Variants in MS4A1 observed in about 807,000 individuals in gnomAD.
MS4A1 encodes membrane spanning 4-domains A1.
A neutral mutation model predicts 26.5 loss-of-function variants in MS4A1; 16 were observed. The ratio of observed to expected loss-of-function variants is 0.60; its 90% CI spans 0.41 to 0.92. The LOEUF is 0.92. MS4A1 is among the 40% of genes least tolerant of loss of function. The pLI is 0.00. For synonymous variants in MS4A1, 128 were observed against 117.6 expected, an observed-to-expected ratio of 1.09 and a Z score of -0.57; for missense variants, 350 against 353.0, an observed-to-expected ratio of 0.99 and a Z score of 0.07.
chr11:60,458,662 A>G (rs1416680184), intron 1 of MS4A1, among the ~76,000 whole-genome samples: 1 of 152,252 alleles, frequency 6.6e-6, no homozygotes, highest in Non-Finnish European at 1.5e-5. Flanking sequence ...AATTTATTTT[A>G]ATGATAAGGC....
At chr11:60,466,478 A>G (rs912868054) in intron 6 of MS4A1, 3 of 383,898 alleles carry the variant, frequency 7.8e-6, no homozygotes, top group African/African-American at 6.1e-5. Context: ...CATTAATGGC[A>G]TTAATATTTA....
intron 6 of MS4A1, 122 bp from the exon 7 acceptor site, chr11:60,466,837 T>A (rs2086295533): frequency 1.1e-6 from 1 of 947,892 alleles, no homozygotes; most frequent in Admixed American, 1.9e-5. Context: ...AGCTATTCAT[T>A]ACTTGTCTAA....
At chr11:60,463,617 C>A in intron 4 of MS4A1, 1 of 334,066 alleles carries the variant, frequency 3.0e-6, no homozygotes, top group Admixed American at 3.7e-5. Flanking sequence ...AAATCTGTAA[C>A]CCTGTCTGGG....
intron 7 of MS4A1, among the ~76,000 whole-genome samples, 173 bp downstream of exon 7, chr11:60,467,233 A>C (rs888497566): frequency 1.3e-5 from 2 of 151,810 alleles, no homozygotes; most frequent in Non-Finnish European, 2.9e-5. Context: ...TTGAAATTTG[A>C]AATAAGTCTG....
chr11:60,464,166 A>G, intron 4 of MS4A1, 122 bp from the exon 5 acceptor site: 2 of 719,132 alleles, frequency 2.8e-6, no homozygotes, highest in East Asian at 2.7e-5. Context: ...GTTGTGTGAA[A>G]GTTGCTGAAA....
At chr11:60,458,745 T>C (rs915658569) in intron 1 of MS4A1, among the ~76,000 whole-genome samples, 3 of 152,216 alleles carry the variant, frequency 2.0e-5, no homozygotes, top group African/African-American at 7.2e-5. Context: ...CGAAAGCTTT[T>C]CATTACAGTC....
intron 1 of MS4A1, 139 bp downstream of exon 1, chr11:60,456,084 G>A (rs1449981250): frequency 6.6e-6 from 1 of 152,164 alleles, no homozygotes. Context: ...TATGACTTAA[G>A]GAGGGGTGAC....
At chr11:60,456,791 T>G (rs909167348) in intron 1 of MS4A1, among the ~76,000 whole-genome samples, 1 of 152,068 alleles carries the variant, frequency 6.6e-6, no homozygotes, top group Non-Finnish European at 1.5e-5. Flanking sequence ...GTGTGTGTTT[T>G]GTTTGTTTGT....
chr11:60,462,137 C>T, intron 2 of MS4A1, 48 bp from the exon 3 acceptor site: 1 of 626,834 alleles, frequency 1.6e-6, no homozygotes, highest in Non-Finnish European at 3.0e-6. Flanking sequence ...GCAGGGACTC[C>T]TGGGCCCACA....
intron 7 of MS4A1, 141 bp from the exon 8 acceptor site, chr11:60,468,109 A>G: frequency 2.8e-6 from 2 of 715,702 alleles, no homozygotes; most frequent in Non-Finnish European, 4.7e-6. Flanking sequence ...ACCTGCAAAA[A>G]AATTTTGGCA....
At chr11:60,462,029 C>T (rs1042068244) in intron 2 of MS4A1, among the ~76,000 whole-genome samples, 156 bp from the exon 3 acceptor site, 1 of 152,174 alleles carries the variant, frequency 6.6e-6, no homozygotes, top group Non-Finnish European at 1.5e-5. Flanking sequence ...AAAAGAAAAG[C>T]ATCCAGGAAT....
intron 4 of MS4A1, 103 bp downstream of exon 4, chr11:60,463,224 G>A (rs2086263698): frequency 1.3e-6 from 2 of 1,495,246 alleles, no homozygotes; most frequent in Non-Finnish European, 1.9e-6. Flanking sequence ...GGAAATATAT[G>A]AGTAGGAAAT....
At chr11:60,458,831 A>G (rs183696382) in intron 1 of MS4A1, among the ~76,000 whole-genome samples, 3 of 142,542 alleles carry the variant, frequency 2.1e-5, no homozygotes, top group Non-Finnish European at 4.6e-5. Flanking sequence ...TCAGATATAT[A>G]TATGAAAGAT....
At chr11:60,463,926 C>A in intron 4 of MS4A1, 1 of 368,546 alleles carries the variant, frequency 2.7e-6, no homozygotes, top group South Asian at 2.3e-5. Context: ...CCCCAAAGGG[C>A]AGTTCCACAA....
intron 7 of MS4A1, 110 bp downstream of exon 7, chr11:60,467,170 T>A (rs911824067): frequency 2.5e-4 from 188 of 742,182 alleles, no homozygotes; most frequent in East Asian, 3.9e-4. Flanking sequence ...GAGCTTGATT[T>A]AAAAAAAAAA....
chr11:60,465,993 G>T lies in MS4A1; in HGVS notation c.409G>T (p.Asp137Tyr). 6.2e-7 allele frequency: 1 copy of T among 1,613,832 alleles called. No homozygotes were observed. The stretch of plus-strand genomic sequence containing the variant: ...TTCTGGAATGATTCTTTCAATCATG[G>T]ACATACTTAATATTAAAATTTCCCA... ...AISGMILSIMDILNIKISHFL... is the reference protein window; with the variant it reads ...AISGMILSIMYILNIKISHFL... Residue 137 changes from aspartate to tyrosine, a missense_variant, in exon 6 of 8, where the codon GAC becomes TAC. Coordinates refer to ENST00000345732, the MANE Select transcript of MS4A1 (RefSeq NM_152866.3).
At chr11:60,458,019 G>C (rs1445890666) in intron 1 of MS4A1, 1 of 152,166 alleles carries the variant, frequency 6.6e-6, no homozygotes, top group Non-Finnish European at 1.5e-5. Flanking sequence ...CTTTGAAATG[G>C]GGAAGGTAAC....
At chr11:60,460,081 A>T (rs1186552354) in intron 1 of MS4A1, among the ~76,000 whole-genome samples, 1 of 151,754 alleles carries the variant, frequency 6.6e-6, no homozygotes, top group Non-Finnish European at 1.5e-5. Flanking sequence ...CCCCATCTCT[A>T]AAAAAAATAT....
intron 1 of MS4A1, among the ~76,000 whole-genome samples, chr11:60,459,016 A>G (rs1325032038): frequency 6.6e-6 from 1 of 152,148 alleles, no homozygotes; most frequent in Non-Finnish European, 1.5e-5. Context: ...CATTATTGCC[A>G]TTAGTTACAA....
Sources: gnomAD v4.1 joint callset for allele counts (sites outside exome capture counted in the v4.1 genomes callset) on GRCh38, gnomAD v4.1.1 for gene constraint, MANE v1.5 for transcripts, NCBI Gene and HGNC (gene_info 2026-07-23, HGNC 2026-07-21) for gene names.